The following PTPRG variants were observed in gnomAD, a reference collection of about 807,000 sequenced individuals.
The protein encoded by PTPRG is receptor-type tyrosine-protein phosphatase gamma.
PTPRG carries 102 observed loss-of-function variants against 165.3 expected under a neutral mutation model. The ratio of observed to expected loss-of-function variants is 0.62; its 90% CI spans 0.53 to 0.73. The LOEUF (loss-of-function observed/expected upper bound fraction) is 0.73. Ranked by LOEUF, PTPRG falls within the 30% of genes least tolerant of loss-of-function variation. The pLI is 0.00. For missense variants in PTPRG, 1,866 were observed against 1,861.4 expected, an observed-to-expected ratio of 1.00 and a Z score of -0.05; for synonymous variants, 675 against 669.5, an observed-to-expected ratio of 1.01 and a Z score of -0.13.
Position 62,157,219 on chromosome 3 carries a change from C to A in PTPRG, c.835C>A (p.His279Asn), listed in dbSNP as rs1704572346. 6.2e-7 allele frequency: 1 copy of A among 1,613,076 alleles called. No homozygotes were observed. Among genetic ancestry groups the A allele is most frequent in the Non-Finnish European group, 8.5e-7 (1 of 1,179,344 alleles). Residue 279 changes from histidine to asparagine, a missense_variant, in exon 7 of 30, where the codon CAT becomes AAT. His to Asn is a moderately conservative substitution (Grantham distance 68). This residue lies in a region of PTPRG where 408 missense variants were observed against 376.2 expected (regional missense o/e 1.08). Coordinates refer to ENST00000474889, the MANE Select transcript of PTPRG (RefSeq NM_002841.4). ...CCGGAGACCCGTCCCCATCTCTTAC[C>A]ATCAGGTAGATATTCTTCCTCAAGT... Reference protein sequence around the residue: ...VFRRPVPISYHQLEAFYSIFT... With the variant: ...VFRRPVPISYNQLEAFYSIFT...
At chr3:61,869,866 G>C (rs961224074) in intron 2 of PTPRG, among the ~76,000 whole-genome samples, 3 of 152,128 alleles carry the variant, frequency 2.0e-5, no homozygotes, top group African/African-American at 7.2e-5. Context: ...CTCCCAAACT[G>C]TTGGGATCAC....
chr3:62,159,150 C>T (rs1376617010), intron 7 of PTPRG, among the ~76,000 whole-genome samples: 1 of 151,796 alleles, frequency 6.6e-6, no homozygotes, highest in Non-Finnish European at 1.5e-5. Context: ...CATGGCAAGA[C>T]CCCAATCTCT....
intron 2 of PTPRG, among the ~76,000 whole-genome samples, chr3:61,818,534 C>T (rs2035857720): frequency 6.6e-6 from 1 of 152,094 alleles, no homozygotes; most frequent in Non-Finnish European, 1.5e-5. Context: ...TGTGGTGTCT[C>T]ATGCCTGTAA....
chr3:61,960,461 G>A (rs2040125026), intron 2 of PTPRG, among the ~76,000 whole-genome samples: 1 of 151,948 alleles, frequency 6.6e-6, no homozygotes, highest in African/African-American at 2.4e-5. Context: ...TTAGCTTTTG[G>A]GGTGATTTTT....
At chr3:61,609,337 C>G (rs965742524) in intron 1 of PTPRG, among the ~76,000 whole-genome samples, 1 of 152,160 alleles carries the variant, frequency 6.6e-6, no homozygotes, top group Non-Finnish European at 1.5e-5. Flanking sequence ...AAGTCAGAAA[C>G]CTAGAAAGCC....
At chr3:62,073,548 G>A (rs1268284959) in intron 4 of PTPRG, among the ~76,000 whole-genome samples, 2 of 151,742 alleles carry the variant, frequency 1.3e-5, no homozygotes, top group South Asian at 2.1e-4. Flanking sequence ...GCGCAATCTC[G>A]GCTCACCACA....
intron 12 of PTPRG, among the ~76,000 whole-genome samples, chr3:62,209,410 G>A (rs1201257171): frequency 6.6e-6 from 1 of 152,142 alleles, no homozygotes. Context: ...TTTACTTGAG[G>A]ACAAATAGAG....
chr3:61,933,680 G>C (rs1282056503), intron 2 of PTPRG, among the ~76,000 whole-genome samples: 3 of 128,068 alleles, frequency 2.3e-5, no homozygotes, highest in African/African-American at 7.2e-5. Flanking sequence ...GGTGGCCACT[G>C]ACGCCCCTTC....
intron 1 of PTPRG, among the ~76,000 whole-genome samples, chr3:61,647,528 C>T (rs577076140): frequency 1.4e-4 from 22 of 152,220 alleles, no homozygotes; most frequent in Non-Finnish European, 2.6e-4. Flanking sequence ...CAGTGGCTCA[C>T]GCCTGTAATC....
intron 1 of PTPRG, among the ~76,000 whole-genome samples, chr3:61,715,257 TC>T (rs1365685503): frequency 6.6e-6 from 1 of 151,870 alleles, no homozygotes; most frequent in Non-Finnish European, 1.5e-5. Context: ...CCTGTCTTTT[TC>T]CAGGCTGGAG....
intron 4 of PTPRG, among the ~76,000 whole-genome samples, chr3:62,026,659 G>T (rs143598692): frequency 5.1e-4 from 78 of 152,164 alleles, no homozygotes; most frequent in African/African-American, 1.8e-3. Flanking sequence ...GGCCAAGGTC[G>T]GTGGATCATA....
At chr3:62,283,355 G>C (rs553685065) in intron 28 of PTPRG, among the ~76,000 whole-genome samples, 5 of 152,102 alleles carry the variant, frequency 3.3e-5, no homozygotes, top group African/African-American at 4.8e-5. Flanking sequence ...CTTCAGTACT[G>C]TCTTTTGGGA....
In PTPRG at chr3:62,190,085, G is replaced by A. The variant is rs1699770512; in HGVS notation, c.1034-1384G>A. Among the ~76,000 whole-genome samples, 2 of 152,170 alleles carry A rather than the reference G, an allele frequency of 1.3e-5. No individual in the cohort carries two copies. Among genetic ancestry groups the A allele is most frequent in the Non-Finnish European group, 1.5e-5 (1 of 68,042 alleles). ...CCTCCATCCTGTCCTGGCGTGCAGT[G>A]ATGGCTCTGCGCATGGGATTCTTTG... is the stretch of plus-strand genomic sequence containing the variant. On this transcript the variant is annotated intron_variant, in intron 8 of 29. Coordinates refer to ENST00000474889, the MANE Select transcript of PTPRG (RefSeq NM_002841.4). The surrounding 1 kb of genome is among the most constrained non-coding windows in gnomAD (Gnocchi z 5.2).
rs1700587021 is a variant in PTPRG, at chr3:62,219,079, A to G, written c.2288+96A>G. 5 of 1,484,312 alleles carry G rather than the reference A, an allele frequency of 3.4e-6. No individual in the cohort carries two copies. Among genetic ancestry groups the G allele is most frequent in the South Asian group, 1.3e-5 (1 of 76,656 alleles). The allele number at this position is 1,484,312 out of a possible 1,614,324, so 91.9% of individuals were successfully genotyped here. A position where few individuals can be genotyped will look rare whatever the true frequency, so the allele number is the denominator to read the frequency against. On this transcript the variant is annotated intron_variant, in intron 13 of 29. Transcript: ENST00000474889. The surrounding 1 kb of genome is among the most constrained non-coding windows in gnomAD (Gnocchi z 4.5). ...AATCCCACGGCCTCTGCATTCAGGA[A>G]GGTGAGGTAGCTTAAGTGTTTCTGG...
chr3:61,714,172 C>T (rs764125682), intron 1 of PTPRG, among the ~76,000 whole-genome samples: 6 of 152,086 alleles, frequency 3.9e-5, no homozygotes, highest in Non-Finnish European at 7.4e-5. Flanking sequence ...GAGGCCACAG[C>T]CTATCTTTAG....
chr3:62,184,719 T>G (rs1705803498), intron 8 of PTPRG, among the ~76,000 whole-genome samples: 2 of 152,172 alleles, frequency 1.3e-5, no homozygotes, highest in Non-Finnish European at 2.9e-5. Context: ...ACCGCCCCTG[T>G]GTGGCATATG....
chr3:61,869,235 A>G (rs972439364), intron 2 of PTPRG, among the ~76,000 whole-genome samples: 3 of 152,190 alleles, frequency 2.0e-5, no homozygotes, highest in Non-Finnish European at 2.9e-5. Flanking sequence ...AAGCATTTCC[A>G]TGAAATTTAT....
At chr3:62,051,408 G>C (rs1232069294) in intron 4 of PTPRG, among the ~76,000 whole-genome samples, 1 of 152,144 alleles carries the variant, frequency 6.6e-6, no homozygotes, top group African/African-American at 2.4e-5. Context: ...GCAAGGTTGA[G>C]GAGCTACTGT....
chr3:62,198,064 C>T (rs1210142874), intron 10 of PTPRG, among the ~76,000 whole-genome samples: 1 of 152,258 alleles, frequency 6.6e-6, no homozygotes, highest in East Asian at 1.9e-4. Context: ...TAGGAAGCCA[C>T]ATGGAATATT....
Sources: gnomAD v4.1 joint callset for allele counts (sites outside exome capture counted in the v4.1 genomes callset) on GRCh38, gnomAD v4.1.1 for gene constraint, gnomAD v4.1.1 regional missense constraint, Gnocchi (gnomAD v3.1) non-coding constraint, MANE v1.5 for transcripts, NCBI Gene and HGNC (gene_info 2026-07-23, HGNC 2026-07-21) for gene names.